NAV2: variants seen among roughly 807,000 people sequenced by gnomAD.
NAV2 encodes helicase, APC down-regulated 1.
NAV2 carries 54 observed loss-of-function variants against 223.2 expected under a neutral mutation model. The ratio of observed to expected loss-of-function variants is 0.24; its 90% CI spans 0.19 to 0.30. The LOEUF (loss-of-function observed/expected upper bound fraction) is 0.30, where lower values mean the gene tolerates loss of function less well. Ranked by LOEUF, NAV2 falls within the 10% of genes least tolerant of loss-of-function variation. The pLI is 1.00. For missense variants in NAV2, 2,806 were observed against 3,147.5 expected, an observed-to-expected ratio of 0.89 and a Z score of 2.60; for synonymous variants, 1,279 against 1,239.3, an observed-to-expected ratio of 1.03 and a Z score of -0.67.
At chr11:19,898,580 G>A (rs143073358) in intron 6 of NAV2, among the ~76,000 whole-genome samples, 43 of 152,106 alleles carry the variant, frequency 2.8e-4, no homozygotes, top group African/African-American at 9.6e-4. Context: ...CCACAATATC[G>A]TTTAATCACT....
In NAV2 at chr11:19,892,569, C is replaced by T. The variant is rs1255365546; in HGVS notation, c.906C>T (p.Pro302=). 2 of 1,613,892 alleles carry T rather than the reference C, an allele frequency of 1.2e-6. No homozygotes were observed. The highest frequency in any genetic ancestry group is 3.3e-5 in the Admixed American group (2 of 59,996). Residue 302 remains proline (P), a synonymous_variant, in exon 6 of 38, where the codon CCC becomes CCT. Transcript: ENST00000349880. The part of the protein sequence containing the change: ...YDKSKPVTSP[P]PPPSSHEKEP... ...AATCCAAACCAGTCACCTCCCCACC[C>T]CCACCGCCAAGCAGCCACGAGAAAG...
chr11:20,078,148 C>G (rs753479951), intron 24 of NAV2, 44 bp downstream of exon 24: 1 of 1,368,324 alleles, frequency 7.3e-7, no homozygotes, highest in East Asian at 2.4e-5. Flanking sequence ...CCTGCCTGCC[C>G]TTAGGAGCCC....
intron 1 of NAV2, among the ~76,000 whole-genome samples, chr11:19,455,194 C>G (rs1851920588): frequency 6.6e-6 from 1 of 152,140 alleles, no homozygotes; most frequent in Admixed American, 6.5e-5. Flanking sequence ...AGATTAGATT[C>G]TAAGTGCAAT....
Position 20,044,254 on chromosome 11 carries a change from C to T in NAV2, c.3181C>T (p.Leu1061=), listed in dbSNP as rs764646755. 1.9e-6 allele frequency: 3 copies of T among 1,611,452 alleles called. No individual in the cohort carries two copies. The highest frequency in any genetic ancestry group is 1.7e-6 in the Non-Finnish European group (2 of 1,177,980). The change falls in exon 13 of 38, where the codon CTG becomes TTG. Residue 1061 remains leucine (L), a synonymous_variant. Transcript: ENST00000349880. ...RTKPSAPAGA[L]KTPGTGKTDD... is the part of the protein sequence containing the mutation. ...GAAGCCTTCAGCCCCGGCAGGCGCA[C>T]TGAAGACCCCAGGAACTGGTAAGAG... is the stretch of plus-strand genomic sequence containing the variant.
intron 1 of NAV2, among the ~76,000 whole-genome samples, chr11:19,695,653 C>A (rs2049309232): frequency 6.6e-6 from 1 of 152,194 alleles, no homozygotes; most frequent in African/African-American, 2.4e-5. Context: ...CCTGTAATCC[C>A]AGCACTTTGG....
At chr11:19,888,532 G>A (rs527252972) in intron 5 of NAV2, among the ~76,000 whole-genome samples, 1 of 152,298 alleles carries the variant, frequency 6.6e-6, no homozygotes, top group Admixed American at 6.5e-5. Context: ...CCTCGGCTCT[G>A]TACCACTGGT....
At chr11:19,506,782 C>T (rs1382683532) in intron 1 of NAV2, 1 of 152,246 alleles carries the variant, frequency 6.6e-6, no homozygotes, top group East Asian at 1.9e-4. Flanking sequence ...CAGAAAGGAG[C>T]TTCATAGTAT....
intron 1 of NAV2, among the ~76,000 whole-genome samples, chr11:19,546,562 G>A (rs1180765695): frequency 6.6e-6 from 1 of 152,188 alleles, no homozygotes; most frequent in African/African-American, 2.4e-5. Context: ...GTGTACAGAA[G>A]GAAGGACTGG....
intron 1 of NAV2, among the ~76,000 whole-genome samples, chr11:19,625,225 C>T (rs753702520): frequency 3.3e-5 from 5 of 152,192 alleles, no homozygotes; most frequent in Admixed American, 2.0e-4. Flanking sequence ...TCCCTTCCTC[C>T]AACCCTTCTT....
intron 11 of NAV2, among the ~76,000 whole-genome samples, chr11:20,015,644 G>C (rs556175396): frequency 6.6e-6 from 1 of 152,246 alleles, no homozygotes; most frequent in South Asian, 2.1e-4. Context: ...AGCTCCACGA[G>C]GGGGTAGAGA....
chr11:19,355,251 G>GT (rs34213206), intron 1 of NAV2, among the ~76,000 whole-genome samples: 2 of 143,070 alleles, frequency 1.4e-5, no homozygotes, highest in African/African-American at 2.6e-5. Flanking sequence ...ATTGTTGGTT[G>GT]TTTTTTTTTT....
intron 11 of NAV2, among the ~76,000 whole-genome samples, chr11:20,004,999 C>A (rs543964686): frequency 1.3e-5 from 2 of 151,854 alleles, no homozygotes; most frequent in Admixed American, 6.6e-5. Flanking sequence ...GGCTTACTTG[C>A]GATAATCCCA....
chr11:20,075,995 C>T (rs1259840238), intron 22 of NAV2, among the ~76,000 whole-genome samples: 2 of 152,184 alleles, frequency 1.3e-5, no homozygotes, highest in Non-Finnish European at 2.9e-5. Context: ...TCTCTTGTCA[C>T]TTTCTCATTC....
intron 1 of NAV2, among the ~76,000 whole-genome samples, chr11:19,531,802 A>G (rs187187876): frequency 1.1e-4 from 16 of 152,344 alleles, no homozygotes; most frequent in Admixed American, 6.5e-4. Flanking sequence ...GCCACTGACT[A>G]TAAGACCATT....
chr11:19,605,988 A>G (rs2046468197), intron 1 of NAV2, among the ~76,000 whole-genome samples: 1 of 152,192 alleles, frequency 6.6e-6, no homozygotes, highest in Non-Finnish European at 1.5e-5. Context: ...TTTCAGACGG[A>G]GGCAAAGATT....
At chr11:19,386,043 C>T (rs181460728) in intron 1 of NAV2, among the ~76,000 whole-genome samples, 2 of 152,288 alleles carry the variant, frequency 1.3e-5, no homozygotes, top group African/African-American at 2.4e-5. Flanking sequence ...GGATTACAGG[C>T]GTGAGCCACC....
chr11:19,834,476 C>T (rs1291907116), intron 2 of NAV2, among the ~76,000 whole-genome samples: 1 of 152,084 alleles, frequency 6.6e-6, no homozygotes, highest in African/African-American at 2.4e-5. Context: ...TTATTGAGCA[C>T]CAATGTGTTC....
At chr11:19,368,220 A>G (rs545345245) in intron 1 of NAV2, among the ~76,000 whole-genome samples, 11 of 152,312 alleles carry the variant, frequency 7.2e-5, no homozygotes, top group East Asian at 1.9e-4. Context: ...CAGAGCCACA[A>G]CTGCTATTTT....
chr11:19,597,549 T>C (rs2046234825), intron 1 of NAV2, among the ~76,000 whole-genome samples: 1 of 152,190 alleles, frequency 6.6e-6, no homozygotes, highest in Admixed American at 6.5e-5. Context: ...CCACCCAGGA[T>C]GAGGAGAATA....
Sources: gnomAD v4.1 joint callset for allele counts (sites outside exome capture counted in the v4.1 genomes callset) on GRCh38, gnomAD v4.1.1 for gene constraint, MANE v1.5 for transcripts, NCBI Gene and HGNC (gene_info 2026-07-23, HGNC 2026-07-21) for gene names.